FOXN3: variants seen among roughly 807,000 people sequenced by gnomAD.
The protein encoded by FOXN3 is forkhead box protein N3.
In FOXN3, 7 loss-of-function variants were observed where a neutral mutation model predicts 38.4. The observed-to-expected ratio is 0.18, with a 90% CI of 0.10 to 0.34. The LOEUF (loss-of-function observed/expected upper bound fraction) is 0.34, where lower values mean the gene tolerates loss of function less well. Among genes scored for constraint, FOXN3 ranks in the 10% least tolerant of loss-of-function variants. FOXN3 has a pLI of 1.00. For missense variants in FOXN3, 456 were observed against 613.4 expected (o/e 0.74, Z 2.71); for synonymous variants, 230 against 242.2 (o/e 0.95, Z 0.47).
At chr14:89,315,021 T>C (rs1334342165) in intron 3 of FOXN3, among the ~76,000 whole-genome samples, 2 of 152,018 alleles carry the variant, frequency 1.3e-5, no homozygotes, top group African/African-American at 4.8e-5. Flanking sequence ...GAAAGCCTAG[T>C]CATCTCCTTG....
chr14:89,192,172 T>C (rs1356116150), intron 4 of FOXN3, among the ~76,000 whole-genome samples: 1 of 146,830 alleles, frequency 6.8e-6, no homozygotes, highest in African/African-American at 2.5e-5. Context: ...TAATATATAT[T>C]ATATATTAAT....
At chr14:89,512,013 T>C (rs1894103988) in intron 1 of FOXN3, among the ~76,000 whole-genome samples, 1 of 152,174 alleles carries the variant, frequency 6.6e-6, no homozygotes, top group South Asian at 2.1e-4. Flanking sequence ...GGAACTACAA[T>C]TCAAGATGAG....
At chr14:89,196,428 G>GTGCCTGAGTCCACTCATTTTAAAA (rs1888101337) in intron 4 of FOXN3, among the ~76,000 whole-genome samples, 2 of 152,138 alleles carry the variant, frequency 1.3e-5, no homozygotes, top group Non-Finnish European at 2.9e-5. Context: ...TCATTTTGCT[G>GTGCCTGAGTCCACTCATTTTAAAA]TGCCTGAGTC....
At chr14:89,196,283 G>A (rs1888097641) in intron 4 of FOXN3, among the ~76,000 whole-genome samples, 1 of 152,196 alleles carries the variant, frequency 6.6e-6, no homozygotes, top group Non-Finnish European at 1.5e-5. Context: ...AAAATATTGA[G>A]CCTCAGTTTC....
At chr14:89,507,523 T>G (rs1893970472) in intron 1 of FOXN3, among the ~76,000 whole-genome samples, 1 of 152,214 alleles carries the variant, frequency 6.6e-6, no homozygotes, top group African/African-American at 2.4e-5. Flanking sequence ...ATACATCAAC[T>G]TGCCTTAACT....
At chr14:89,271,324 A>G (rs970136569) in intron 4 of FOXN3, among the ~76,000 whole-genome samples, 1 of 152,248 alleles carries the variant, frequency 6.6e-6, no homozygotes, top group Non-Finnish European at 1.5e-5. Context: ...CAGAATTTCA[A>G]GGGGAATGAC....
intron 4 of FOXN3, among the ~76,000 whole-genome samples, chr14:89,252,741 G>A (rs1885497577): frequency 6.6e-6 from 1 of 152,020 alleles, no homozygotes; most frequent in Non-Finnish European, 1.5e-5. Context: ...ATGCAAATGG[G>A]ACATTTTACC....
intron 3 of FOXN3, among the ~76,000 whole-genome samples, chr14:89,287,292 T>C (rs1312937893): frequency 1.3e-5 from 2 of 152,182 alleles, no homozygotes; most frequent in Non-Finnish European, 2.9e-5. Context: ...TAGCTGTGAT[T>C]ACAGGCATGC....
At chr14:89,406,049 C>T (rs537469046) in intron 2 of FOXN3, among the ~76,000 whole-genome samples, 54 of 152,244 alleles carry the variant, frequency 3.5e-4, no homozygotes, top group Middle Eastern at 3.4e-3. Flanking sequence ...TGTCACCAGG[C>T]GATCTTCCCA....
intron 2 of FOXN3, chr14:89,364,690 C>T (rs181851337): frequency 1.2e-4 from 19 of 152,330 alleles, no homozygotes; most frequent in East Asian, 3.9e-4. Flanking sequence ...GCTATAAAGA[C>T]GGAAATCACT....
chr14:89,479,955 C>T (rs1893288552), intron 1 of FOXN3, among the ~76,000 whole-genome samples: 1 of 152,128 alleles, frequency 6.6e-6, no homozygotes, highest in Admixed American at 6.5e-5. Context: ...ATTTGGGCTC[C>T]ATTTATGACT....
chr14:89,210,465 G>T (rs1884057509), intron 4 of FOXN3, among the ~76,000 whole-genome samples: 1 of 152,066 alleles, frequency 6.6e-6, no homozygotes, highest in African/African-American at 2.4e-5. Context: ...CCAGTCTCAG[G>T]TATTTCTTTA....
At chr14:89,505,713 G>C (rs891573651) in intron 1 of FOXN3, among the ~76,000 whole-genome samples, 11 of 152,066 alleles carry the variant, frequency 7.2e-5, no homozygotes, top group Admixed American at 3.3e-4. Context: ...TGGGAAGTGA[G>C]GAGCGTCTCT....
chr14:89,616,521 A>ACCCCCCCCCCCCCCCC (rs1161046760), intron 1 of FOXN3, among the ~76,000 whole-genome samples: 11 of 137,884 alleles, frequency 8.0e-5, no homozygotes, highest in East Asian at 2.2e-4. Flanking sequence ...TCACTCCCCA[A>ACCCCCCCCCCCCCCCC]CCCCACCCCC....
rs1895631277 is a variant in FOXN3 at position 89,576,711 on chromosome 14, T to G, written c.-15+42317A>C. Reference sequence around the variant, plus strand: ...TAGAATTCGGATCAGATGTCTTCTGTTCCCCGAACACTTCCGCTGTTGACT... The same window carrying G: ...TAGAATTCGGATCAGATGTCTTCTGGTCCCCGAACACTTCCGCTGTTGACT... On this transcript the variant is annotated intron_variant, in intron 1 of 6. Transcript: ENST00000345097. The G allele has an allele frequency of 2.6e-5, 4 of 152,250 alleles. No homozygotes were observed. The South Asian group carries it at 8.3e-4, about 32-fold the overall frequency. 9.4% of individuals were successfully genotyped at this position (152,250 alleles called of 1,614,324 possible).
At chr14:89,252,673 A>AAC (rs1885494985) in intron 4 of FOXN3, among the ~76,000 whole-genome samples, 1 of 151,874 alleles carries the variant, frequency 6.6e-6, no homozygotes, top group Non-Finnish European at 1.5e-5. Context: ...AAAAAAAAAA[A>AAC]ATCAGGAAAT....
chr14:89,295,762 AT>A (rs1032063820), intron 3 of FOXN3, among the ~76,000 whole-genome samples: 1,885 of 123,182 alleles, frequency 0.015, 19 homozygotes, highest in African/African-American at 0.047. Context: ...TAATTTTTGC[AT>A]TTTTTTTTTT....
intron 1 of FOXN3, among the ~76,000 whole-genome samples, chr14:89,611,858 T>G (rs962334531): frequency 2.0e-5 from 3 of 151,060 alleles, no homozygotes; most frequent in Non-Finnish European, 4.4e-5. Flanking sequence ...AAAAGCCCCT[T>G]CCATCACTAA....
intron 1 of FOXN3, among the ~76,000 whole-genome samples, chr14:89,414,182 T>A (rs1478016134): frequency 2.0e-5 from 3 of 151,882 alleles, no homozygotes; most frequent in Admixed American, 2.0e-4. Context: ...CTAGGTGTGG[T>A]GGTGTGTGCC....
Sources: allele counts gnomAD v4.1 joint callset (sites outside exome capture counted in the v4.1 genomes callset), GRCh38; gene constraint gnomAD v4.1.1; transcripts MANE v1.5; gene names NCBI Gene and HGNC (gene_info 2026-07-23, HGNC 2026-07-21).